Variants in ZSWIM5 observed in about 807,000 individuals in gnomAD.
ZSWIM5 encodes the protein zinc finger SWIM-type containing 5.
ZSWIM5 carries 55 observed loss-of-function variants against 119.6 expected under a neutral mutation model. That is an observed-to-expected ratio of 0.46 (90% CI 0.37 to 0.58). The LOEUF (loss-of-function observed/expected upper bound fraction) is 0.58, where lower values mean the gene tolerates loss of function less well. Ranked by LOEUF, ZSWIM5 falls within the 20% of genes least tolerant of loss-of-function variation. The pLI is 0.00. For synonymous variants in ZSWIM5, 537 were observed against 606.9 expected (o/e 0.88, Z 1.69); for missense variants, 1,193 against 1,512.8 (o/e 0.79, Z 3.51).
chr1:45,093,237 T>C (rs538945831), intron 1 of ZSWIM5, among the ~76,000 whole-genome samples: 1 of 152,346 alleles, frequency 6.6e-6, no homozygotes, highest in East Asian at 1.9e-4. Context: ...ACAATATAAC[T>C]AGAAATATTA....
chr1:45,029,755 T>C (rs1214331683), intron 11 of ZSWIM5, among the ~76,000 whole-genome samples: 2 of 152,258 alleles, frequency 1.3e-5, no homozygotes, highest in Non-Finnish European at 2.9e-5. Context: ...ACTCATGTTG[T>C]ACCATGTATC....
chr1:45,165,267 A>G (rs1056376067), intron 1 of ZSWIM5, among the ~76,000 whole-genome samples: 2 of 152,140 alleles, frequency 1.3e-5, no homozygotes, highest in Non-Finnish European at 2.9e-5. Context: ...TTTGAAACCA[A>G]TGAGAACAAG....
chr1:45,062,073 G>C (rs1237009021), intron 2 of ZSWIM5, among the ~76,000 whole-genome samples: 2 of 152,180 alleles, frequency 1.3e-5, no homozygotes, highest in Non-Finnish European at 2.9e-5. Flanking sequence ...CTGGGCAACA[G>C]AGTGAGACCC....
intron 1 of ZSWIM5, among the ~76,000 whole-genome samples, chr1:45,092,354 T>C (rs1260068197): frequency 6.6e-6 from 1 of 152,110 alleles, no homozygotes; most frequent in Non-Finnish European, 1.5e-5. Flanking sequence ...AGGAGTGCAG[T>C]GGCCCAAACT....
In ZSWIM5 at chr1:45,043,353, A is replaced by G; in HGVS notation, c.1475T>C (p.Ile492Thr). ...CTGCCAATGTAATTCACGCCCCTCA[A>G]TGGCTCTAGTGAATACTGTTCGTCT... ...RPRRTVFTRA[I>T]EGRELHWQDS... The change falls in exon 6 of 14, where the codon ATT (isoleucine) becomes ACT (threonine). Residue 492 changes from isoleucine (I) to threonine (T), a missense_variant. Transcript: ENST00000359600. 6.2e-7 allele frequency: 1 copy of G among 1,614,254 alleles called. No homozygotes were observed. Among genetic ancestry groups the G allele is most frequent in the South Asian group, 1.1e-5 (1 of 91,086 alleles).
At chr1:45,032,248 CCT>C (rs1644957352) in intron 11 of ZSWIM5, among the ~76,000 whole-genome samples, 1 of 151,992 alleles carries the variant, frequency 6.6e-6, no homozygotes, top group Non-Finnish European at 1.5e-5. Flanking sequence ...TCTGCCTTAG[CCT>C]CCTGAGTAGC....
Position 45,019,022 on chromosome 1 carries a change from T to C in ZSWIM5, c.2990A>G (p.His997Arg). The change falls in exon 14 of 14, where the codon CAT (histidine) becomes CGT (arginine). Residue 997 changes from histidine to arginine, a missense_variant. Around this residue, in one of 2 missense-constraint regions of ZSWIM5, gnomAD observed 961 missense variants for 1,290.0 expected, o/e 0.74. Coordinates refer to ENST00000359600, the MANE Select transcript of ZSWIM5 (RefSeq NM_020883.2). The surrounding 1 kb of genome is among the most constrained non-coding windows in gnomAD (Gnocchi z 5.0). ...AIDAAAGGMTHSQLFTIARYM... is the reference protein window; with the variant it reads ...AIDAAAGGMTRSQLFTIARYM... Reference sequence around the variant, plus strand: ...GCGGGCGATGGTGAACAGCTGTGAATGGGTCATACCACCAGCAGCAGCATC... The same window carrying C: ...GCGGGCGATGGTGAACAGCTGTGAACGGGTCATACCACCAGCAGCAGCATC... 1 of 1,614,190 alleles carries C rather than the reference T, an allele frequency of 6.2e-7. No individual in the cohort carries two copies. The highest frequency in any genetic ancestry group is 8.5e-7 in the Non-Finnish European group (1 of 1,180,016).
chr1:45,134,777 C>G (rs1159165996), intron 1 of ZSWIM5, among the ~76,000 whole-genome samples: 2 of 152,184 alleles, frequency 1.3e-5, no homozygotes, highest in Admixed American at 1.3e-4. Context: ...GTGGCTCACA[C>G]CTGTAATGGC....
intron 1 of ZSWIM5, among the ~76,000 whole-genome samples, chr1:45,143,563 C>T (rs1210972342): frequency 6.6e-6 from 1 of 152,114 alleles, no homozygotes; most frequent in Non-Finnish European, 1.5e-5. Flanking sequence ...TAACAAAATA[C>T]TAAATGGTGA....
intron 6 of ZSWIM5, among the ~76,000 whole-genome samples, chr1:45,041,970 A>G (rs1419606057): frequency 1.3e-5 from 2 of 152,250 alleles, no homozygotes; most frequent in Non-Finnish European, 2.9e-5. Context: ...ATGATTACAT[A>G]TAATTCTGGT....
intron 1 of ZSWIM5, among the ~76,000 whole-genome samples, chr1:45,139,820 T>C (rs2149033863): frequency 6.6e-6 from 1 of 150,624 alleles, no homozygotes; most frequent in South Asian, 2.1e-4. Context: ...ATTACAGGTG[T>C]GAGACATCCT....
chr1:45,032,829 T>TC (rs1046384657), intron 11 of ZSWIM5, among the ~76,000 whole-genome samples: 6 of 152,086 alleles, frequency 3.9e-5, no homozygotes, highest in African/African-American at 1.4e-4. Flanking sequence ...GGGTTTTTTT[T>TC]CCCACTGTTT....
In ZSWIM5 at chr1:45,205,995, C is replaced by T. The variant is rs764712505; in HGVS notation, c.356G>A (p.Gly119Asp). ...GCCAGCAGCGCCGGCGCCGGGGCCG[C>T]CCCGGTACTGGAAGCTGGAGTACAT... ...ICMYSSFQYR[G>D]GPGAGAAGGA... is the part of the protein sequence containing the mutation. Residue 119 changes from glycine to aspartate, a missense_variant, in exon 1 of 14, where the codon GGC becomes GAC. Around this residue, in one of 2 missense-constraint regions of ZSWIM5, gnomAD observed 232 missense variants for 222.9 expected, o/e 1.04. Transcript: ENST00000359600. 1.3e-6 allele frequency: 2 copies of T among 1,531,298 alleles called. No individual in the cohort carries two copies. The highest frequency in any genetic ancestry group is 4.0e-5 in the Admixed American group (2 of 50,238). 94.9% of individuals were successfully genotyped at this position (1,531,298 alleles called of 1,614,324 possible).
chr1:45,121,165 A>G (rs536791031), intron 1 of ZSWIM5, among the ~76,000 whole-genome samples: 1 of 152,054 alleles, frequency 6.6e-6, no homozygotes, highest in East Asian at 1.9e-4. Context: ...GTTAGCCAGG[A>G]TGGTCTCGAT....
Position 45,040,401 on chromosome 1 carries a change from G to T in ZSWIM5, c.1747C>A (p.Gln583Lys). 2 of 1,610,304 alleles carry T rather than the reference G, an allele frequency of 1.2e-6. No homozygotes were observed. Among genetic ancestry groups the T allele is most frequent in the Non-Finnish European group, 1.7e-6 (2 of 1,178,328 alleles). ...CTCCTAATTACTATACCTTTCTTCT[G>T]ATGCTTGTAGATTTCCAGTTGCCGC... ...QQRQLEIYKH[Q>K]KKELLQRGTT... Residue 583 changes from glutamine to lysine, a missense_variant, in exon 7 of 14, where the codon CAG (glutamine) becomes AAG (lysine). Coordinates refer to ENST00000359600, the MANE Select transcript of ZSWIM5 (RefSeq NM_020883.2).
At chr1:45,030,159 G>T (rs905573640) in intron 11 of ZSWIM5, among the ~76,000 whole-genome samples, 35 of 152,078 alleles carry the variant, frequency 2.3e-4, no homozygotes, top group African/African-American at 8.5e-4. Context: ...GCCCAGGCTG[G>T]TCTCAAACTC....
intron 1 of ZSWIM5, among the ~76,000 whole-genome samples, chr1:45,183,284 C>T (rs1340915225): frequency 6.6e-6 from 1 of 150,718 alleles, no homozygotes; most frequent in Non-Finnish European, 1.5e-5. Context: ...TAAATGCCCA[C>T]AAGAGAAAGC....
intron 1 of ZSWIM5, among the ~76,000 whole-genome samples, chr1:45,135,738 C>A (rs922592580): frequency 1.3e-5 from 2 of 152,086 alleles, no homozygotes; most frequent in East Asian, 1.9e-4. Context: ...ATTATCAGAA[C>A]AAACCAATTC....
intron 1 of ZSWIM5, among the ~76,000 whole-genome samples, chr1:45,128,098 GA>G (rs1274997798): frequency 1.3e-5 from 2 of 152,138 alleles, no homozygotes; most frequent in African/African-American, 2.4e-5. Context: ...ATTCTGGAAA[GA>G]TTTTTTTGCA....
Sources: gnomAD v4.1 joint callset for allele counts (sites outside exome capture counted in the v4.1 genomes callset) on GRCh38, gnomAD v4.1.1 for gene constraint, gnomAD v4.1.1 regional missense constraint, Gnocchi (gnomAD v3.1) non-coding constraint, MANE v1.5 for transcripts, NCBI Gene and HGNC (gene_info 2026-07-23, HGNC 2026-07-21) for gene names.